The following SV2C variants were observed in gnomAD, a reference collection of about 807,000 sequenced individuals.
SV2C encodes the protein solute carrier family 22 member B3.
In SV2C, 49 loss-of-function variants were observed where a neutral mutation model predicts 79.7. That is an observed-to-expected ratio of 0.61 (90% confidence interval 0.49 to 0.78). The LOEUF is 0.78. SV2C is among the 30% of genes least tolerant of loss of function. The probability of loss-of-function intolerance (pLI) is 0.00; values close to 1 mark genes in which losing one functional copy is unlikely to be tolerated. For missense variants in SV2C, 833 were observed against 912.9 expected (o/e 0.91, Z 1.13); for synonymous variants, 334 against 333.2 (o/e 1.00, Z -0.03).
intron 1 of SV2C, among the ~76,000 whole-genome samples, chr5:76,103,904 A>G (rs1022687201): frequency 6.6e-6 from 1 of 152,224 alleles, no homozygotes; most frequent in Non-Finnish European, 1.5e-5. Context: ...CCATACAAAG[A>G]TATTTCAAGA....
At chr5:75,971,560 G>T in the SV2C span, among the ~76,000 whole-genome samples, 2 of 152,042 alleles carry the variant, frequency 1.3e-5, no homozygotes, top group African/African-American at 4.8e-5. Context: ...AATCATGAGT[G>T]AGCTCCCATT....
At chr5:75,973,463 C>G in the SV2C span, among the ~76,000 whole-genome samples, 1 of 151,390 alleles carries the variant, frequency 6.6e-6, no homozygotes, top group African/African-American at 2.4e-5. Flanking sequence ...CCACTGCACT[C>G]CAGCCTGGGT....
chr5:76,057,585 A>G, the SV2C span, among the ~76,000 whole-genome samples: 1 of 152,136 alleles, frequency 6.6e-6, no homozygotes, highest in African/African-American at 2.4e-5. Flanking sequence ...TATAAGCTCA[A>G]TATCCTAGGT....
the SV2C span, among the ~76,000 whole-genome samples, chr5:75,866,496 A>G: frequency 0.049 from 7,528 of 152,292 alleles, 473 homozygotes; most frequent in African/African-American, 0.15. Context: ...AAGATAGTGA[A>G]TATTTCCAGA....
the SV2C span, among the ~76,000 whole-genome samples, chr5:75,904,197 A>G: frequency 6.6e-6 from 1 of 152,058 alleles, no homozygotes; most frequent in African/African-American, 2.4e-5. Flanking sequence ...TTCCTGATTC[A>G]GGTGATTAAA....
chr5:76,265,490 TG>T (rs1746622432), intron 4 of SV2C, among the ~76,000 whole-genome samples: 1 of 152,146 alleles, frequency 6.6e-6, no homozygotes, highest in Admixed American at 6.5e-5. Flanking sequence ...CAGGTGCCAC[TG>T]GGGTATGAAA....
rs80296643 is a variant in SV2C, at chr5:76,299,931, A to G, written c.1637-798A>G. Among the ~76,000 whole-genome samples, 271 of 152,294 alleles carry G rather than the reference A, an allele frequency of 1.8e-3. 1 individual carries two copies. The highest frequency in any genetic ancestry group is 6.3e-3 in the African/African-American group (261 of 41,554). On this transcript the variant is annotated intron_variant, in intron 10 of 12. Coordinates refer to ENST00000502798, the MANE Select transcript of SV2C (RefSeq NM_014979.4). ...TTAGCAATGAATGCTGGTGACCTTC[A>G]GATGAGGCTGACTCTTGTTCCTCAG...
At chr5:76,194,262 T>C (rs1050139983) in intron 2 of SV2C, among the ~76,000 whole-genome samples, 2 of 152,322 alleles carry the variant, frequency 1.3e-5, no homozygotes, top group African/African-American at 4.8e-5. Flanking sequence ...AAGCTCACTT[T>C]CTGATTTGTA....
chr5:76,290,074 G>T (rs547214079), intron 6 of SV2C, among the ~76,000 whole-genome samples: 6 of 149,454 alleles, frequency 4.0e-5, no homozygotes, highest in African/African-American at 1.5e-4. Context: ...ACTATCCCAT[G>T]ATGTAAAAAG....
the SV2C span, among the ~76,000 whole-genome samples, chr5:75,960,345 C>T: frequency 6.6e-6 from 1 of 151,920 alleles, no homozygotes; most frequent in African/African-American, 2.4e-5. Flanking sequence ...ATGTTTCTAT[C>T]AATGATGGAT....
intron 4 of SV2C, among the ~76,000 whole-genome samples, chr5:76,264,816 C>T (rs1746593734): frequency 2.6e-5 from 4 of 152,180 alleles, no homozygotes; most frequent in Admixed American, 2.6e-4. Flanking sequence ...AAGGTTCTTC[C>T]CCAACGGGCA....
chr5:76,020,992 A>C, the SV2C span, among the ~76,000 whole-genome samples: 1 of 152,230 alleles, frequency 6.6e-6, no homozygotes, highest in African/African-American at 2.4e-5. Context: ...TTACTGCATC[A>C]GGTCACTACA....
intron 12 of SV2C, among the ~76,000 whole-genome samples, chr5:76,345,688 A>C (rs192705495): frequency 2.0e-4 from 30 of 152,328 alleles, no homozygotes; most frequent in African/African-American, 6.5e-4. Flanking sequence ...ATTACAGAGC[A>C]TTTAATATGA....
chr5:75,900,899 C>G, the SV2C span, among the ~76,000 whole-genome samples: 2 of 152,236 alleles, frequency 1.3e-5, no homozygotes, highest in Non-Finnish European at 2.9e-5. Flanking sequence ...CTTCTGCATT[C>G]TTCACGTAGT....
intron 3 of SV2C, among the ~76,000 whole-genome samples, chr5:76,209,286 C>T (rs1019674091): frequency 1.2e-4 from 18 of 152,114 alleles, no homozygotes; most frequent in African/African-American, 3.9e-4. Flanking sequence ...CAGACAGTAC[C>T]CTAGAGGTGT....
At chr5:76,217,677 T>C (rs1744943764) in intron 4 of SV2C, among the ~76,000 whole-genome samples, 1 of 151,262 alleles carries the variant, frequency 6.6e-6, no homozygotes, top group Admixed American at 6.6e-5. Context: ...AAATGTGAGC[T>C]ACATGAAAAA....
the SV2C span, among the ~76,000 whole-genome samples, chr5:75,927,637 C>A: frequency 6.6e-6 from 1 of 152,112 alleles, no homozygotes; most frequent in East Asian, 1.9e-4. Flanking sequence ...AGAGGATAAT[C>A]TCATGTTGTG....
chr5:76,269,751 C>T (rs1415921214), intron 4 of SV2C, among the ~76,000 whole-genome samples: 2 of 152,178 alleles, frequency 1.3e-5, no homozygotes, highest in African/African-American at 2.4e-5. Context: ...TGCCTATGCT[C>T]GAGCACTTTG....
the SV2C span, among the ~76,000 whole-genome samples, chr5:75,966,020 C>T: frequency 1.7e-4 from 26 of 152,164 alleles, no homozygotes; most frequent in African/African-American, 6.0e-4. Flanking sequence ...TAATGTACAA[C>T]TGTGGAAGCA....
Sources: allele counts gnomAD v4.1 joint callset (sites outside exome capture counted in the v4.1 genomes callset), GRCh38; gene constraint gnomAD v4.1.1; transcripts MANE v1.5; gene names NCBI Gene and HGNC (gene_info 2026-07-23, HGNC 2026-07-21).